The following LRP1B variants were observed in gnomAD, a reference collection of about 807,000 sequenced individuals.
LRP1B encodes LDL receptor related protein 1B.
LRP1B carries 217 observed loss-of-function variants against 556.6 expected under a neutral mutation model. The observed-to-expected ratio is 0.39, with a 90% CI of 0.35 to 0.44. The LOEUF (loss-of-function observed/expected upper bound fraction) is 0.44. Among genes scored for constraint, LRP1B ranks in the 20% least tolerant of loss-of-function variants. The pLI, the probability that LRP1B is intolerant of heterozygous loss-of-function variation, is 1.00. For missense variants in LRP1B, 5,053 were observed against 5,620.8 expected (o/e 0.90, Z 3.23); for synonymous variants, 2,047 against 1,865.8 (o/e 1.10, Z -2.50).
At chr2:140,802,120 T>C (rs530227006) in intron 32 of LRP1B, among the ~76,000 whole-genome samples, 2 of 152,130 alleles carry the variant, frequency 1.3e-5, no homozygotes, top group African/African-American at 2.4e-5. Context: ...GCTTTAGAAG[T>C]GACAATTCAA....
intron 2 of LRP1B, among the ~76,000 whole-genome samples, chr2:141,613,093 C>A (rs1371378564): frequency 1.3e-5 from 2 of 152,122 alleles, no homozygotes; most frequent in Non-Finnish European, 2.9e-5. Flanking sequence ...TAGGCATGAG[C>A]CACCGCACCT....
chr2:140,692,774 C>T (rs1686290642), intron 41 of LRP1B, among the ~76,000 whole-genome samples: 1 of 151,464 alleles, frequency 6.6e-6, no homozygotes, highest in Non-Finnish European at 1.5e-5. Flanking sequence ...ATAGCTTCTG[C>T]TGCAAAGAGT....
chr2:141,412,154 AAC>A (rs1349986526), intron 3 of LRP1B, among the ~76,000 whole-genome samples: 7 of 152,306 alleles, frequency 4.6e-5, no homozygotes, highest in Non-Finnish European at 1.0e-4. Context: ...AGCTTTGGCT[AAC>A]AGAGTTAAAT....
At chr2:140,353,839 T>C (rs550474558) in intron 75 of LRP1B, among the ~76,000 whole-genome samples, 1 of 152,088 alleles carries the variant, frequency 6.6e-6, no homozygotes, top group Admixed American at 6.6e-5. Context: ...GGCACATCTC[T>C]AACACACTTC....
chr2:141,410,586 A>G (rs1473969437), intron 3 of LRP1B, among the ~76,000 whole-genome samples: 1 of 152,094 alleles, frequency 6.6e-6, no homozygotes, highest in Non-Finnish European at 1.5e-5. Context: ...TGATGGCTAT[A>G]TATCTATTTC....
At chr2:141,171,523 A>G (rs925447439) in intron 7 of LRP1B, among the ~76,000 whole-genome samples, 10 of 151,988 alleles carry the variant, frequency 6.6e-5, no homozygotes, top group African/African-American at 9.7e-5. Context: ...GTTAAGTTAT[A>G]AAATTCTCAC....
chr2:141,602,891 G>A (rs147663794), intron 2 of LRP1B, among the ~76,000 whole-genome samples: 95 of 152,236 alleles, frequency 6.2e-4, no homozygotes, highest in African/African-American at 2.1e-3. Context: ...CTGTTTTTGT[G>A]TATAAAATGC....
Position 141,475,443 on chromosome 2 carries a change from C to A in LRP1B, c.343+4953G>T, listed in dbSNP as rs548243228. Among the ~76,000 whole-genome samples the A allele has an allele frequency of 1.4e-4, 21 of 152,224 alleles. No individual in the cohort carries two copies. In the South Asian group the frequency reaches 4.4e-3, roughly 32 times the overall value. On this transcript the variant is annotated intron_variant, in intron 3 of 90. Transcript: ENST00000389484. ...GTGAATAAAAACAAGGCTTCTCTTGCTTATACCCACTTTAAATGTTAATAA... is the reference window on the plus strand; with the variant it reads ...GTGAATAAAAACAAGGCTTCTCTTGATTATACCCACTTTAAATGTTAATAA...
At chr2:142,076,985 G>A (rs759638610) in intron 1 of LRP1B, among the ~76,000 whole-genome samples, 12 of 151,982 alleles carry the variant, frequency 7.9e-5, no homozygotes, top group African/African-American at 2.7e-4. Context: ...TTAAATGTTA[G>A]AGGATTCTGA....
At chr2:140,412,065 A>G (rs187050757) in intron 66 of LRP1B, among the ~76,000 whole-genome samples, 89 of 152,162 alleles carry the variant, frequency 5.8e-4, no homozygotes, top group Non-Finnish European at 9.1e-4. Context: ...TCACTATGTC[A>G]CTTTCACCAA....
chr2:140,727,243 C>T (rs1031826544), intron 35 of LRP1B, among the ~76,000 whole-genome samples: 13 of 152,112 alleles, frequency 8.5e-5, no homozygotes, highest in African/African-American at 2.7e-4. Flanking sequence ...ACGTTCTGAC[C>T]ATTTTCACAA....
intron 3 of LRP1B, 138 bp downstream of exon 3, chr2:141,480,254 ATGTC>A: frequency 1.1e-6 from 1 of 910,158 alleles, no homozygotes; most frequent in African/African-American, 1.7e-5. Flanking sequence ...GCATATTAAA[ATGTC>A]TGGCAGTAAA....
intron 2 of LRP1B, among the ~76,000 whole-genome samples, chr2:141,742,321 G>A (rs1267895903): frequency 6.8e-6 from 1 of 147,746 alleles, no homozygotes; most frequent in Non-Finnish European, 1.5e-5. Context: ...GTGCAATCTC[G>A]ACTCACTGAC....
intron 66 of LRP1B, among the ~76,000 whole-genome samples, chr2:140,421,850 C>T (rs1261376533): frequency 2.0e-5 from 3 of 152,174 alleles, no homozygotes. Context: ...CTTCTAGTAA[C>T]TCTTGAGCTT....
chr2:140,945,642 C>A (rs1025053706), intron 20 of LRP1B, among the ~76,000 whole-genome samples: 3 of 151,924 alleles, frequency 2.0e-5, no homozygotes, highest in East Asian at 1.9e-4. Flanking sequence ...GCGTTGGGAG[C>A]ATTGGCTAAC....
chr2:140,298,687 TTATTTA>T (rs1462033539), intron 83 of LRP1B, among the ~76,000 whole-genome samples: 5 of 152,058 alleles, frequency 3.3e-5, no homozygotes, highest in Admixed American at 1.3e-4. Context: ...CTATTTTTCT[TTATTTA>T]CTCTGTGGGG....
intron 86 of LRP1B, among the ~76,000 whole-genome samples, chr2:140,247,743 GT>G (rs1229984978): frequency 6.6e-6 from 1 of 151,566 alleles, no homozygotes; most frequent in Admixed American, 6.6e-5. Flanking sequence ...GGGAGAAGTT[GT>G]TTTTCCCATG....
chr2:141,074,141 G>A (rs567178663), intron 7 of LRP1B, among the ~76,000 whole-genome samples: 1 of 151,796 alleles, frequency 6.6e-6, no homozygotes, highest in Admixed American at 6.6e-5. Context: ...TAACACCTTG[G>A]ACATCCAGTG....
chr2:141,865,419 C>T (rs1272628642), intron 1 of LRP1B, among the ~76,000 whole-genome samples: 2 of 150,854 alleles, frequency 1.3e-5, no homozygotes, highest in African/African-American at 2.4e-5. Flanking sequence ...GGTGAAACCC[C>T]GTCTCTACTA....
Sources: allele counts gnomAD v4.1 joint callset (sites outside exome capture counted in the v4.1 genomes callset), GRCh38; gene constraint gnomAD v4.1.1; transcripts MANE v1.5; gene names NCBI Gene and HGNC (gene_info 2026-07-23, HGNC 2026-07-21).